Variants in VPS50 observed in about 807,000 individuals in gnomAD.
VPS50 encodes VPS50 subunit of EARP/GARPII complex.
VPS50 carries 70 observed loss-of-function variants against 139.7 expected under a neutral mutation model. The ratio of observed to expected loss-of-function variants is 0.50; its 90% CI spans 0.41 to 0.61. The LOEUF is 0.61. Ranked by LOEUF, VPS50 falls within the 20% of genes least tolerant of loss-of-function variation. VPS50 has a pLI of 0.00. For missense variants in VPS50, 921 were observed against 1,133.7 expected (o/e 0.81, Z 2.69); for synonymous variants, 365 against 376.7 (o/e 0.97, Z 0.36).
At chr7:93,257,078 G>C (rs1795508949) in intron 5 of VPS50, among the ~76,000 whole-genome samples, 1 of 151,966 alleles carries the variant, frequency 6.6e-6, no homozygotes, top group South Asian at 2.1e-4. Flanking sequence ...AAGTTCTCTT[G>C]GGTAGGAATT....
chr7:93,322,385 G>A (rs1797639903), intron 20 of VPS50, among the ~76,000 whole-genome samples: 1 of 151,802 alleles, frequency 6.6e-6, no homozygotes, highest in Admixed American at 6.6e-5. Flanking sequence ...GGATCACGAG[G>A]TCAGGAGATC....
chr7:93,240,530 G>A (rs1794958733), intron 2 of VPS50, among the ~76,000 whole-genome samples: 2 of 152,222 alleles, frequency 1.3e-5, no homozygotes, highest in East Asian at 1.9e-4. Flanking sequence ...TTGAAAGCTA[G>A]CTAGATTCCC....
At chr7:93,248,061 G>A (rs924498237) in intron 2 of VPS50, among the ~76,000 whole-genome samples, 1 of 151,626 alleles carries the variant, frequency 6.6e-6, no homozygotes, top group Non-Finnish European at 1.5e-5. Flanking sequence ...GTTTTAGAGA[G>A]CATTTATATC....
chr7:93,311,719 T>C (rs1179565065), intron 20 of VPS50, among the ~76,000 whole-genome samples: 2 of 151,776 alleles, frequency 1.3e-5, no homozygotes, highest in Non-Finnish European at 2.9e-5. Context: ...AATGTTCAGA[T>C]TATAGGAAAT....
Position 93,272,707 on chromosome 7 carries a change from G to T in VPS50, c.775G>T (p.Ala259Ser), listed in dbSNP as rs780332430. Reference protein sequence around the residue: ...DINHYTKVQQAYRLLGKTQTA... With the variant: ...DINHYTKVQQSYRLLGKTQTA... Reference sequence around the variant, plus strand: ...TAACCATTATACCAAGGTTCAACAAGCTTATCGACTTCTTGGAAAAACACA... The same window carrying T: ...TAACCATTATACCAAGGTTCAACAATCTTATCGACTTCTTGGAAAAACACA... The change falls in exon 11 of 28, where the codon GCT (alanine) becomes TCT (serine). Residue 259 changes from alanine (A) to serine (S), a missense_variant. Physicochemically the swap from Ala to Ser is moderately conservative, Grantham distance 99 (BLOSUM62 1). Transcript: ENST00000305866. 6.4e-7 allele frequency: 1 copy of T among 1,557,800 alleles called. No individual in the cohort carries two copies. Among genetic ancestry groups the T allele is most frequent in the Admixed American group, 1.8e-5 (1 of 54,416 alleles).
chr7:93,277,641 A>C (rs112438941), intron 12 of VPS50, among the ~76,000 whole-genome samples: 2,446 of 152,276 alleles, frequency 0.016, 79 homozygotes, highest in African/African-American at 0.056. Context: ...ACGACAGTGG[A>C]TGTATGTTAA....
chr7:93,268,180 T>C (rs1795898419), intron 9 of VPS50, among the ~76,000 whole-genome samples: 1 of 152,178 alleles, frequency 6.6e-6, no homozygotes, highest in Admixed American at 6.5e-5. Context: ...CCAAATCCAA[T>C]GTGAAGTTAG....
intron 9 of VPS50, among the ~76,000 whole-genome samples, chr7:93,260,290 G>A (rs1040149885): frequency 1.3e-5 from 2 of 152,158 alleles, no homozygotes; most frequent in African/African-American, 4.8e-5. Flanking sequence ...ATCCCTAGGT[G>A]TAATTTCCAA....
In VPS50 at chr7:93,360,360, C is replaced by T. The variant is rs976926598; in HGVS notation, c.*1924C>T. The T allele has an allele frequency of 2.0e-5, 3 of 151,134 alleles. No individual in the cohort carries two copies. Among genetic ancestry groups the T allele is most frequent in the Non-Finnish European group, 4.4e-5 (3 of 67,862 alleles). The allele number at this position is 151,134 out of a possible 1,614,324, so 9.4% of individuals were successfully genotyped here. On this transcript the variant is annotated 3_prime_UTR_variant, in exon 28 of 28. Transcript: ENST00000305866. ...TAACCTACCCTTACTTTGCTTTCTC[C>T]ATCTTCAAAATGAAATGGTGGATCT... is the stretch of plus-strand genomic sequence containing the variant.
Position 93,297,205 on chromosome 7 carries a change from T to C in VPS50, c.1323T>C (p.Ile441=). 1 of 1,561,708 alleles carries C rather than the reference T, an allele frequency of 6.4e-7. No homozygotes were observed. The highest frequency in any genetic ancestry group is 1.3e-5 in the South Asian group (1 of 79,814). The part of the protein sequence containing the change: ...GSKSEVLQES[I]RKQSVNYFKN... ...AGTCTGAAGTTTTACAGGAATCTAT[T>C]AGAAAACAAAGTGTCAATTATTTCA... The change falls in exon 16 of 28, where the codon ATT becomes ATC. Residue 441 remains isoleucine, a synonymous_variant. Transcript: ENST00000305866.
chr7:93,347,170 T>G (rs1330332913), intron 23 of VPS50, among the ~76,000 whole-genome samples: 1 of 148,516 alleles, frequency 6.7e-6, no homozygotes, highest in Non-Finnish European at 1.5e-5. Flanking sequence ...GCAAAGGATA[T>G]AAATAGACAC....
chr7:93,348,607 G>A lies in VPS50; in HGVS notation c.2208-104G>A, dbSNP rs995994247. The A allele has an allele frequency of 4.0e-6, 3 of 752,510 alleles. No individual in the cohort carries two copies. In the Admixed American group the frequency reaches 7.2e-5, roughly 18 times the overall value. The allele number at this position is 752,510 out of a possible 1,614,324, so 46.6% of individuals were successfully genotyped here. Reference sequence around the variant, plus strand: ...ACTAAAGTGGAAAGTAATTTTTATTGTTAAAGTTTTGCTCAGAAATGTTAA... The same window carrying A: ...ACTAAAGTGGAAAGTAATTTTTATTATTAAAGTTTTGCTCAGAAATGTTAA... On this transcript the variant is annotated intron_variant, in intron 23 of 27. Coordinates refer to ENST00000305866, the MANE Select transcript of VPS50 (RefSeq NM_017667.4).
At position 93,360,885 on chromosome 7, in the gene VPS50, T is replaced by G. The variant is rs117491408; in HGVS notation, c.*2449T>G. ...ACCAACAGAGATTTTGTAAGTTCAC[T>G]TTAACTAATAAACTCATTTACACAA... is the stretch of plus-strand genomic sequence containing the variant. On this transcript the variant is annotated 3_prime_UTR_variant, in exon 28 of 28. Transcript: ENST00000305866. The G allele has an allele frequency of 7.9e-5, 12 of 152,168 alleles. No homozygotes were observed. In the East Asian group the frequency reaches 2.3e-3, roughly 29 times the overall value. 9.4% of individuals were successfully genotyped at this position (152,168 alleles called of 1,614,324 possible). A position where few individuals can be genotyped will look rare whatever the true frequency, so the allele number is the denominator to read the frequency against.
intron 9 of VPS50, among the ~76,000 whole-genome samples, chr7:93,260,966 A>G (rs1562856230): frequency 6.6e-6 from 1 of 152,148 alleles, no homozygotes; most frequent in Non-Finnish European, 1.5e-5. Flanking sequence ...TTTGGTTAGG[A>G]TATAAATTGA....
Position 93,305,959 on chromosome 7 carries a change from C to T in VPS50, c.1584C>T (p.Ala528=). ...CSGGNPFEIQ[A]NHKDEETEDV... The stretch of plus-strand genomic sequence containing the variant: ...GTGGGAATCCATTTGAAATTCAGGC[C>T]AACCACAAAGATGAAGAAACAGAAG... The change falls in exon 18 of 28, where the codon GCC becomes GCT. Residue 528 remains alanine, a synonymous_variant. Transcript: ENST00000305866. The T allele has an allele frequency of 6.2e-7, 1 of 1,612,284 alleles. No homozygotes were observed. Among genetic ancestry groups the T allele is most frequent in the Non-Finnish European group, 8.5e-7 (1 of 1,178,632 alleles).
At chr7:93,246,082 C>CTTTT in intron 2 of VPS50, 2 of 1,184,134 alleles carry the variant, frequency 1.7e-6, no homozygotes, top group Non-Finnish European at 2.3e-6. Flanking sequence ...CTAAACGCTT[C>CTTTT]TTTTTTTTTT....
In VPS50 at chr7:93,287,009, T is replaced by TAA. The variant is rs1304107799; in HGVS notation, c.943-4685_943-4684dup. Among the ~76,000 whole-genome samples, 1,015 of 140,244 alleles carry TAA rather than the reference T, an allele frequency of 7.2e-3. 9 individuals carry two copies. The highest frequency in any genetic ancestry group is 0.023 in the African/African-American group (832 of 36,420). 92.0% of individuals were successfully genotyped at this position (140,244 alleles called of 152,430 possible). On this transcript the variant is annotated intron_variant, in intron 12 of 27. Coordinates refer to ENST00000305866, the MANE Select transcript of VPS50 (RefSeq NM_017667.4). ...GAAAACGTTGTTTTTTTTTTTTTTT[T>TAA]AAAAAAAAAACTACCCCACCTTGCC...
chr7:93,245,040 G>T (rs1584380539), intron 2 of VPS50, among the ~76,000 whole-genome samples: 1 of 151,958 alleles, frequency 6.6e-6, no homozygotes, highest in East Asian at 1.9e-4. Context: ...GTACAAGACT[G>T]TTCCTAACTC....
Position 93,265,394 on chromosome 7 carries a change from C to T in VPS50, c.659+5762C>T, listed in dbSNP as rs547208944. ...TAGCTGTAGACAAAAAGTAAACAAA[C>T]GGTTGTGGCTATGTTCTACTAAAAC... On this transcript the variant is annotated intron_variant, in intron 9 of 27. Transcript: ENST00000305866. 9.2e-5 allele frequency among the ~76,000 whole-genome samples: 14 copies of T among 152,218 alleles called. No homozygotes were observed. In the South Asian group the frequency reaches 2.5e-3, roughly 27 times the overall value.
Sources: allele counts gnomAD v4.1 joint callset (sites outside exome capture counted in the v4.1 genomes callset), GRCh38; gene constraint gnomAD v4.1.1; transcripts MANE v1.5; gene names NCBI Gene and HGNC (gene_info 2026-07-23, HGNC 2026-07-21).